The following HGSNAT variants were observed in gnomAD, a reference collection of about 807,000 sequenced individuals.
The protein encoded by HGSNAT is transmembrane protein 76.
Under a neutral mutation model 85.2 loss-of-function variants are expected in HGSNAT, and 59 were observed. The observed-to-expected ratio is 0.69, with a 90% CI of 0.56 to 0.86. The LOEUF (loss-of-function observed/expected upper bound fraction) is 0.86. HGSNAT is among the 40% of genes least tolerant of loss of function. The pLI is 0.00. For synonymous variants in HGSNAT, 321 were observed against 304.5 expected, an observed-to-expected ratio of 1.05 and a Z score of -0.56; for missense variants, 756 against 777.1, an observed-to-expected ratio of 0.97 and a Z score of 0.32.
At chr8:43,155,831 A>G (rs1803074439) in intron 2 of HGSNAT, among the ~76,000 whole-genome samples, 1 of 151,658 alleles carries the variant, frequency 6.6e-6, no homozygotes, top group African/African-American at 2.4e-5. Flanking sequence ...CCTTTCCTCA[A>G]TGTGTGTCCT....
chr8:43,153,131 A>G (rs190978039), intron 2 of HGSNAT, among the ~76,000 whole-genome samples: 1 of 152,260 alleles, frequency 6.6e-6, no homozygotes, highest in East Asian at 1.9e-4. Context: ...TTGTGAGGCC[A>G]TAATCGTTTA....
chr8:43,189,733 C>T (rs764008851), intron 11 of HGSNAT, among the ~76,000 whole-genome samples: 9 of 152,142 alleles, frequency 5.9e-5, no homozygotes, highest in Non-Finnish European at 1.2e-4. Context: ...CCTATTCGGC[C>T]ATCTTGGAAC....
Position 43,158,611 on chromosome 8 carries a change from C to T in HGSNAT, c.271C>T (p.Pro91Ser). Reference sequence around the variant, plus strand: ...GGTTCTGGTAAACGTTCCTCAGAGTCCAAAAGCAGGGAAGCCTAGTGCTGC... The same window carrying T: ...GGTTCTGGTAAACGTTCCTCAGAGTTCAAAAGCAGGGAAGCCTAGTGCTGC... ...FQVLVNVPQS[P>S]KAGKPSAAAA... The change falls in exon 3 of 18, where the codon CCA becomes TCA. Residue 91 changes from proline to serine, a missense_variant. Coordinates refer to ENST00000379644, the MANE Select transcript of HGSNAT (RefSeq NM_152419.3). 6.2e-7 allele frequency: 1 copy of T among 1,613,926 alleles called. No homozygotes were observed. The highest frequency in any genetic ancestry group is 8.5e-7 in the Non-Finnish European group (1 of 1,179,858).
At chr8:43,194,578 C>A (rs1804646178) in intron 14 of HGSNAT, 1 of 948,430 alleles carries the variant, frequency 1.1e-6, no homozygotes, top group Non-Finnish European at 1.3e-6. Context: ...ACTGCAGGTT[C>A]ATTTGTCTGG....
At chr8:43,148,654 G>C (rs1266052129) in intron 2 of HGSNAT, among the ~76,000 whole-genome samples, 1 of 151,560 alleles carries the variant, frequency 6.6e-6, no homozygotes, top group Non-Finnish European at 1.5e-5. Context: ...CCCGGGCATG[G>C]TAGCAGGTGC....
At chr8:43,189,227 C>T (rs1032688289) in intron 11 of HGSNAT, among the ~76,000 whole-genome samples, 1 of 152,206 alleles carries the variant, frequency 6.6e-6, no homozygotes, top group African/African-American at 2.4e-5. Flanking sequence ...GCCCTGCCCC[C>T]AGAGGTGGAG....
In HGSNAT at chr8:43,199,385, A is replaced by C; in HGVS notation, c.1727-3A>C. The C allele has an allele frequency of 6.3e-7, 1 of 1,578,902 alleles. No homozygotes were observed. Among genetic ancestry groups the C allele is most frequent in the Admixed American group, 1.8e-5 (1 of 56,482 alleles). ...TGATCTTCTGTATGTCTCTCTCCTT[A>C]AGGAATGAATTCCATTCTGGTATAT... is the stretch of plus-strand genomic sequence containing the variant. On this transcript the variant is annotated splice_region_variant and splice_polypyrimidine_tract_variant and intron_variant, in intron 17 of 17. Coordinates refer to ENST00000379644, the MANE Select transcript of HGSNAT (RefSeq NM_152419.3).
chr8:43,179,386 C>A (rs1224870631), intron 10 of HGSNAT, among the ~76,000 whole-genome samples: 1 of 131,412 alleles, frequency 7.6e-6, no homozygotes, highest in Non-Finnish European at 1.7e-5. Context: ...CCACCTCCCT[C>A]CCGGACGGGG....
intron 1 of HGSNAT, among the ~76,000 whole-genome samples, chr8:43,142,545 C>CT (rs1382657771): frequency 6.6e-6 from 1 of 152,174 alleles, no homozygotes; most frequent in African/African-American, 2.4e-5. Flanking sequence ...TGGCGTTACT[C>CT]TGACAGTCTC....
rs575653443 is a variant in HGSNAT at position 43,177,364 on chromosome 8, A to G, written c.852-710A>G. On this transcript the variant is annotated intron_variant, in intron 9 of 17. Coordinates refer to ENST00000379644, the MANE Select transcript of HGSNAT (RefSeq NM_152419.3). ...CGGGAGATTGAGACCATCCTGGCTA[A>G]CACGGTGAAACCCTGTCTCTACTAA... 2.0e-5 allele frequency among the ~76,000 whole-genome samples: 3 copies of G among 152,122 alleles called. No homozygotes were observed. In the South Asian group the frequency reaches 6.2e-4, roughly 32 times the overall value.
rs573218314 is a variant in HGSNAT at position 43,184,934 on chromosome 8, A to G, written c.1128+2674A>G. On this transcript the variant is annotated intron_variant, in intron 11 of 17. Coordinates refer to ENST00000379644, the MANE Select transcript of HGSNAT (RefSeq NM_152419.3). ...CTTGTTTTTGTCAGGTTTGTCAGAGATCAGATGGTTGTAGATGTGTGGTAT... is the reference window on the plus strand; with the variant it reads ...CTTGTTTTTGTCAGGTTTGTCAGAGGTCAGATGGTTGTAGATGTGTGGTAT... 4.4e-3 allele frequency among the ~76,000 whole-genome samples: 664 copies of G among 152,272 alleles called. 8 individuals carry two copies. The highest frequency in any genetic ancestry group is 0.015 in the African/African-American group (635 of 41,534).
At chr8:43,169,407 A>G (rs923430133) in intron 6 of HGSNAT, among the ~76,000 whole-genome samples, 165 bp downstream of exon 6, 9 of 152,288 alleles carry the variant, frequency 5.9e-5, no homozygotes, top group Non-Finnish European at 1.3e-4. Context: ...AGCTGCTGGG[A>G]AGGGCTCCAT....
At chr8:43,160,436 A>G (rs1407592981) in intron 4 of HGSNAT, among the ~76,000 whole-genome samples, 1 of 152,254 alleles carries the variant, frequency 6.6e-6, no homozygotes, top group Non-Finnish European at 1.5e-5. Context: ...GGCAACCGCA[A>G]CAGGTACACT....
intron 9 of HGSNAT, 28 bp from the exon 10 acceptor site, chr8:43,178,046 C>T: frequency 6.3e-7 from 1 of 1,599,956 alleles, no homozygotes. Context: ...TGGAAATGGC[C>T]ACCTATTAAT....
At chr8:43,154,276 G>C (rs995624435) in intron 2 of HGSNAT, among the ~76,000 whole-genome samples, 2 of 151,830 alleles carry the variant, frequency 1.3e-5, no homozygotes, top group African/African-American at 4.8e-5. Flanking sequence ...CATGTGCCAT[G>C]TTGGTGTGCT....
chr8:43,170,787 C>T (rs1031272113), intron 7 of HGSNAT, 93 bp downstream of exon 7: 4 of 755,002 alleles, frequency 5.3e-6, no homozygotes, highest in Admixed American at 6.0e-5. Flanking sequence ...AGGACTTTTA[C>T]ATATCTTTTA....
At chr8:43,175,501 G>A (rs1324921162) in intron 9 of HGSNAT, among the ~76,000 whole-genome samples, 1 of 147,926 alleles carries the variant, frequency 6.8e-6, no homozygotes, top group Non-Finnish European at 1.5e-5. Context: ...TTTCATATTC[G>A]TGTTTGCCAT....
chr8:43,192,118 G>T (rs1804553677), intron 12 of HGSNAT, among the ~76,000 whole-genome samples, 186 bp from the exon 13 acceptor site: 1 of 152,034 alleles, frequency 6.6e-6, no homozygotes, highest in South Asian at 2.1e-4. Context: ...AATAGAGACG[G>T]GGTTTCACCA....
chr8:43,164,422 G>A (rs1001925689), intron 5 of HGSNAT, among the ~76,000 whole-genome samples: 1 of 151,804 alleles, frequency 6.6e-6, no homozygotes, highest in African/African-American at 2.4e-5. Flanking sequence ...AAGTTGGAGA[G>A]CAGTGGTGCC....
Sources: allele counts gnomAD v4.1 joint callset (sites outside exome capture counted in the v4.1 genomes callset), GRCh38; gene constraint gnomAD v4.1.1; transcripts MANE v1.5; gene names NCBI Gene and HGNC (gene_info 2026-07-23, HGNC 2026-07-21).